ZNF354B: variants seen among roughly 807,000 people sequenced by gnomAD.
ZNF354B encodes the protein zinc finger protein 354B.
ZNF354B carries 10 observed loss-of-function variants against 12.9 expected under a neutral mutation model. The ratio of observed to expected loss-of-function variants is 0.77; its 90% CI spans 0.48 to 1.31. The LOEUF is 1.31. ZNF354B is among the 40% of genes most tolerant of loss of function. The pLI, the probability that ZNF354B is intolerant of heterozygous loss-of-function variation, is 0.00. For missense variants in ZNF354B, 614 were observed against 711.7 expected, an observed-to-expected ratio of 0.86 and a Z score of 1.56; for synonymous variants, 260 against 243.7, an observed-to-expected ratio of 1.07 and a Z score of -0.62.
intron 4 of ZNF354B, among the ~76,000 whole-genome samples, chr5:178,869,576 C>T (rs11958887): frequency 0.15 from 22,522 of 151,894 alleles, 2,029 homozygotes; most frequent in African/African-American, 0.25. Flanking sequence ...CTAGGGAGCA[C>T]CTGATGGCTG....
intron 2 of ZNF354B, among the ~76,000 whole-genome samples, chr5:178,864,997 A>C (rs1425245911): frequency 1.3e-5 from 2 of 152,128 alleles, no homozygotes. Flanking sequence ...ATTTTCATGG[A>C]TGTCTTTTTA....
At chr5:178,863,237 T>C (rs759082388) in intron 2 of ZNF354B, among the ~76,000 whole-genome samples, 70 of 152,238 alleles carry the variant, frequency 4.6e-4, no homozygotes, top group Non-Finnish European at 7.6e-4. Context: ...CATTTATATA[T>C]ATACATATGT....
intron 4 of ZNF354B, among the ~76,000 whole-genome samples, chr5:178,877,151 G>A (rs1042243621): frequency 1.3e-5 from 2 of 151,898 alleles, no homozygotes; most frequent in African/African-American, 4.8e-5. Context: ...TTCCCCATGT[G>A]TGCAGTTGTT....
At chr5:178,862,658 G>A (rs1250027867) in intron 2 of ZNF354B, among the ~76,000 whole-genome samples, 1 of 152,226 alleles carries the variant, frequency 6.6e-6, no homozygotes, top group African/African-American at 2.4e-5. Flanking sequence ...GTGAGCCGCC[G>A]CGCCTGGCGG....
At chr5:178,860,869 T>C (rs375858926) in intron 1 of ZNF354B, 128 bp from the exon 2 acceptor site, 3 of 476,674 alleles carry the variant, frequency 6.3e-6, no homozygotes, top group Non-Finnish European at 1.1e-5. Context: ...GTCCGCGGGC[T>C]CCTGGCTCCT....
chr5:178,863,300 G>A lies in ZNF354B; in HGVS notation c.33+2220G>A, dbSNP rs548917482. Among the ~76,000 whole-genome samples the A allele has an allele frequency of 2.6e-5, 4 of 152,216 alleles. No individual in the cohort carries two copies. The South Asian group carries it at 8.3e-4, about 32-fold the overall frequency. On this transcript the variant is annotated intron_variant, in intron 2 of 4. Coordinates refer to ENST00000322434, the MANE Select transcript of ZNF354B (RefSeq NM_058230.3). ...TATGGATACGTGTGTATATATATGT[G>A]CATATGTATGTGTATGTTTATATAG... is the stretch of plus-strand genomic sequence containing the variant.
chr5:178,880,832 T>G (rs1392662852), intron 4 of ZNF354B, among the ~76,000 whole-genome samples: 1 of 36,610 alleles, frequency 2.7e-5, no homozygotes, highest in African/African-American at 1.4e-4. Context: ...CTCATGGTCA[T>G]TTTTTTTTTT....
At chr5:178,865,648 G>GGT (rs1053590182) in intron 2 of ZNF354B, among the ~76,000 whole-genome samples, 1 of 152,124 alleles carries the variant, frequency 6.6e-6, no homozygotes, top group African/African-American at 2.4e-5. Context: ...TTCTTCATAA[G>GGT]GTAATTGTGA....
Position 178,884,568 on chromosome 5 carries a change from AAAAAG to A in ZNF354B, c.*283_*287del, listed in dbSNP as rs1757773582. The A allele has an allele frequency of 3.8e-6, 1 of 262,114 alleles. No homozygotes were observed. The highest frequency in any genetic ancestry group is 2.2e-5 in the African/African-American group (1 of 45,246). 16.2% of individuals were successfully genotyped at this position (262,114 alleles called of 1,614,324 possible). A position where few individuals can be genotyped will look rare whatever the true frequency, so the allele number is the denominator to read the frequency against. ...TAATATATGCTATCTATGACATGCAAAAAAGAAAAGTCTGGGTGCTGAGGTGCTGA... is the reference window on the plus strand; with the variant it reads ...TAATATATGCTATCTATGACATGCAAAAAAGTCTGGGTGCTGAGGTGCTGA... On this transcript the variant is annotated 3_prime_UTR_variant, in exon 5 of 5. Coordinates refer to ENST00000322434, the MANE Select transcript of ZNF354B (RefSeq NM_058230.3).
At chr5:178,878,571 A>G (rs1757674772) in intron 4 of ZNF354B, among the ~76,000 whole-genome samples, 1 of 152,186 alleles carries the variant, frequency 6.6e-6, no homozygotes, top group Non-Finnish European at 1.5e-5. Flanking sequence ...TTCCAAGTAT[A>G]CTTTCCTTTC....
In ZNF354B at chr5:178,884,318, A is replaced by G. The variant is rs779046389; in HGVS notation, c.*27A>G. The stretch of plus-strand genomic sequence containing the variant: ...AGCCTTAAACCAAAACTCATCAGAG[A>G]ATACATGCTTGAGAGTGATTTATTA... On this transcript the variant is annotated 3_prime_UTR_variant, in exon 5 of 5. Transcript: ENST00000322434. 6.5e-7 allele frequency: 1 copy of G among 1,538,230 alleles called. No homozygotes were observed. The highest frequency in any genetic ancestry group is 8.7e-7 in the Non-Finnish European group (1 of 1,147,520).
chr5:178,860,401 C>T (rs2114002534), intron 1 of ZNF354B, among the ~76,000 whole-genome samples: 1 of 146,774 alleles, frequency 6.8e-6, no homozygotes, highest in Middle Eastern at 3.5e-3. Context: ...CTCGCGGACT[C>T]GGGGCGCCGG....
chr5:178,870,280 A>G (rs1300534359), intron 4 of ZNF354B, among the ~76,000 whole-genome samples: 1 of 152,078 alleles, frequency 6.6e-6, no homozygotes, highest in East Asian at 1.9e-4. Context: ...ACTTGTACAA[A>G]GTTATTTTCT....
chr5:178,877,319 A>G (rs912819096), intron 4 of ZNF354B, among the ~76,000 whole-genome samples: 1 of 151,926 alleles, frequency 6.6e-6, no homozygotes, highest in Non-Finnish European at 1.5e-5. Flanking sequence ...ACAGGCACCC[A>G]CCACCACACC....
chr5:178,866,486 C>G (rs1396764629), intron 3 of ZNF354B, 116 bp downstream of exon 3: 2 of 1,410,694 alleles, frequency 1.4e-6, no homozygotes, highest in Non-Finnish European at 1.9e-6. Flanking sequence ...GAGGATTGTA[C>G]AAATCAGATC....
Position 178,864,344 on chromosome 5 carries a change from G to A in ZNF354B, c.34-1900G>A, listed in dbSNP as rs139980205. On this transcript the variant is annotated intron_variant, in intron 2 of 4. Transcript: ENST00000322434. ...ACAGTATTCAGTACGGTAACATGCT[G>A]TACAGGTTTGTAGCCTAGGAGTAAC... is the stretch of plus-strand genomic sequence containing the variant. Among the ~76,000 whole-genome samples the A allele has an allele frequency of 1.8e-4, 27 of 152,290 alleles. No homozygotes were observed. The East Asian group carries it at 3.5e-3, about 20-fold the overall frequency.
chr5:178,880,370 T>C (rs764585812), intron 4 of ZNF354B, among the ~76,000 whole-genome samples: 5 of 150,764 alleles, frequency 3.3e-5, no homozygotes, highest in Non-Finnish European at 4.4e-5. Context: ...CAGCTAACTT[T>C]TGTATTTTTA....
At chr5:178,873,097 T>G (rs1757587652) in intron 4 of ZNF354B, among the ~76,000 whole-genome samples, 1 of 152,224 alleles carries the variant, frequency 6.6e-6, no homozygotes, top group Non-Finnish European at 1.5e-5. Context: ...CTGTGTTTCT[T>G]ATTTAATAAA....
intron 2 of ZNF354B, among the ~76,000 whole-genome samples, chr5:178,863,677 G>C (rs776556249): frequency 6.6e-6 from 1 of 152,160 alleles, no homozygotes; most frequent in Non-Finnish European, 1.5e-5. Flanking sequence ...CCTCAGGCAG[G>C]TTCTTTGAGA....
Sources: gnomAD v4.1 joint callset for allele counts (sites outside exome capture counted in the v4.1 genomes callset) on GRCh38, gnomAD v4.1.1 for gene constraint, MANE v1.5 for transcripts, NCBI Gene and HGNC (gene_info 2026-07-23, HGNC 2026-07-21) for gene names.